NBPF19: variants seen among roughly 807,000 people sequenced by gnomAD.
The protein encoded by NBPF19 is NBPF member 19.
Under a neutral mutation model 45.9 loss-of-function variants are expected in NBPF19, and 30 were observed. The ratio of observed to expected loss-of-function variants is 0.65; its 90% confidence interval spans 0.49 to 0.89. The LOEUF is 0.89. Among genes scored for constraint, NBPF19 ranks in the 40% least tolerant of loss-of-function variants. The probability of loss-of-function intolerance (pLI) is 0.00; values close to 1 mark genes in which losing one functional copy is unlikely to be tolerated. For synonymous variants in NBPF19, 183 were observed against 181.2 expected (o/e 1.01, Z -0.08); for missense variants, 495 against 471.8 (o/e 1.05, Z -0.46).
In NBPF19 at chr1:149,487,453, G is replaced by C. The variant is rs1373321609; in HGVS notation, c.1040+70G>C. 8.5e-6 allele frequency: 8 copies of C among 936,514 alleles called. 1 individual carries two copies. Among genetic ancestry groups the C allele is most frequent in the Admixed American group, 3.4e-5 (2 of 58,966 alleles). 58.0% of individuals were successfully genotyped at this position (936,514 alleles called of 1,614,324 possible). On this transcript the variant is annotated intron_variant, in intron 9 of 93. Transcript: ENST00000651566. ...GGAGATGCCAAGTCCAGGGAAAACAGTACATGCTGAAAATAATGATTTTGT... is the reference window on the plus strand; with the variant it reads ...GGAGATGCCAAGTCCAGGGAAAACACTACATGCTGAAAATAATGATTTTGT...
chr1:149,554,742 G>C lies in NBPF19; in HGVS notation c.*4G>C. ...GTTAGTCATATTCCCACAATAGGCA[G>C]CCCTTACTAAGCCGAGAGATGTCAT... On this transcript the variant is annotated 3_prime_UTR_variant, in exon 94 of 94. Coordinates refer to ENST00000651566, the MANE Select transcript of NBPF19 (RefSeq NM_001351365.2). The C allele has an allele frequency of 1.2e-6, 2 of 1,608,058 alleles. No individual in the cohort carries two copies. Among genetic ancestry groups the C allele is most frequent in the Non-Finnish European group, 1.7e-6 (2 of 1,176,552 alleles).
intron 2 of NBPF19, among the ~76,000 whole-genome samples, chr1:149,476,898 G>A (rs1401259769): frequency 6.7e-6 from 1 of 149,124 alleles, no homozygotes; most frequent in Non-Finnish European, 1.5e-5. Context: ...TTGCACTATT[G>A]CACTCCAGCA....
chr1:149,555,003 T>A lies in NBPF19; in HGVS notation c.*265T>A. 2 of 602,748 alleles carry A rather than the reference T, an allele frequency of 3.3e-6. No homozygotes were observed. Among genetic ancestry groups the A allele is most frequent in the Non-Finnish European group, 5.5e-6 (2 of 364,178 alleles). The allele number at this position is 602,748 out of a possible 1,614,324, so 37.3% of individuals were successfully genotyped here. A position where few individuals can be genotyped will look rare whatever the true frequency, so the allele number is the denominator to read the frequency against. On this transcript the variant is annotated 3_prime_UTR_variant, in exon 94 of 94. Transcript: ENST00000651566. ...CGGACATTTTAATTTGAACCACGTATCTTTGGGTAGCTACAAAATTCCTCA... is the reference window on the plus strand; with the variant it reads ...CGGACATTTTAATTTGAACCACGTAACTTTGGGTAGCTACAAAATTCCTCA...
At chr1:149,479,826 G>T (rs1356208210) in intron 4 of NBPF19, among the ~76,000 whole-genome samples, 1 of 150,850 alleles carries the variant, frequency 6.6e-6, no homozygotes, top group African/African-American at 2.4e-5. Flanking sequence ...GCCTGTGCCT[G>T]GGAATCAGAT....
chr1:149,487,976 C>A (rs1394655643), intron 9 of NBPF19, 37 bp from the exon 10 acceptor site: 1 of 693,542 alleles, frequency 1.4e-6, no homozygotes, highest in Non-Finnish European at 2.7e-6. Flanking sequence ...TTTCTGATTC[C>A]CCCTGGCTTA....
chr1:149,486,724 T>G (rs1268529234), intron 8 of NBPF19, among the ~76,000 whole-genome samples: 2 of 151,102 alleles, frequency 1.3e-5, no homozygotes, highest in Non-Finnish European at 3.0e-5. Context: ...CACCCTTGTC[T>G]ACCTCTCAGT....
At position 149,483,586 on chromosome 1, in the gene NBPF19, G is replaced by A. The variant is rs1195133859; in HGVS notation, c.824+1360G>A. 3.3e-5 allele frequency among the ~76,000 whole-genome samples: 5 copies of A among 150,430 alleles called. No homozygotes were observed. In the East Asian group the frequency reaches 7.8e-4, roughly 23 times the overall value. On this transcript the variant is annotated intron_variant, in intron 7 of 93. Transcript: ENST00000651566. ...GATCCTGTCGTTATGATGTTAGCTGGTTATTTCTTCCGTTAGTTGATGCAG... is the reference window on the plus strand; with the variant it reads ...GATCCTGTCGTTATGATGTTAGCTGATTATTTCTTCCGTTAGTTGATGCAG...
At chr1:149,476,975 T>A (rs2084874809) in intron 2 of NBPF19, among the ~76,000 whole-genome samples, 1 of 150,662 alleles carries the variant, frequency 6.6e-6, no homozygotes, top group Admixed American at 6.6e-5. Context: ...AAAATAAAAA[T>A]AAAAAGCAGA....
At chr1:149,527,205 T>TTAG (rs2086790864) in intron 59 of NBPF19, among the ~76,000 whole-genome samples, 192 bp downstream of exon 59, 1 of 42,726 alleles carries the variant, frequency 2.3e-5, no homozygotes, top group South Asian at 6.1e-4. Context: ...TTTACTAACT[T>TTAG]ACTATAGGTT....
chr1:149,483,457 A>G lies in NBPF19; in HGVS notation c.824+1231A>G, dbSNP rs1357207226. On this transcript the variant is annotated intron_variant, in intron 7 of 93. Transcript: ENST00000651566. ...GTGAGATGGGTTTCCTGAGTACAGC[A>G]CACTGATGGGTCTTGACTCTTTATC... Among the ~76,000 whole-genome samples, 9 of 86,748 alleles carry G rather than the reference A, an allele frequency of 1.0e-4. No homozygotes were observed. The Admixed American group carries it at 1.0e-3, about 10-fold the overall frequency. 56.9% of individuals were successfully genotyped at this position (86,748 alleles called of 152,430 possible).
In NBPF19 at chr1:149,487,203, T is replaced by C. The variant is rs2085581675; in HGVS notation, c.989-129T>C. On this transcript the variant is annotated intron_variant, in intron 8 of 93. Coordinates refer to ENST00000651566, the MANE Select transcript of NBPF19 (RefSeq NM_001351365.2). ...AGACTTGACCTCAGGCCTACTGCAA[T>C]ATTTCTCTCAAAGTCTCCTGTTCTC... The C allele has an allele frequency of 1.3e-5, 11 of 819,794 alleles. No homozygotes were observed. In the South Asian group the frequency reaches 1.5e-4, roughly 11 times the overall value. 50.8% of individuals were successfully genotyped at this position (819,794 alleles called of 1,614,324 possible).
chr1:149,494,087 C>G (rs2085981152), intron 17 of NBPF19, among the ~76,000 whole-genome samples: 1 of 134,338 alleles, frequency 7.4e-6, no homozygotes, highest in African/African-American at 3.3e-5. Context: ...GCTGAGCTCA[C>G]TTTCTCCTCT....
intron 7 of NBPF19, among the ~76,000 whole-genome samples, chr1:149,483,656 C>T (rs4606263): frequency 6.8e-6 from 1 of 146,094 alleles, no homozygotes; most frequent in African/African-American, 2.5e-5. Flanking sequence ...CATGTTTTTG[C>T]AGTGGCTGGT....
chr1:149,478,922 C>A lies in NBPF19; in HGVS notation c.321C>A (p.Thr107=). 1 of 1,606,072 alleles carries A rather than the reference C, an allele frequency of 6.2e-7. No individual in the cohort carries two copies. The highest frequency in any genetic ancestry group is 8.5e-7 in the Non-Finnish European group (1 of 1,175,238). ...TTCACTCTCAGGAACGAGAGCTGAC[C>A]CAGTTAAGGGAGAAGTTACGGGAAG... ...VLFHSQEREL[T]QLREKLREGR... Residue 107 remains threonine (T), a synonymous_variant, in exon 4 of 94, where the codon ACC becomes ACA. Transcript: ENST00000651566.
chr1:149,490,921 CGTGTGTGT>C (rs1159751982), intron 13 of NBPF19, among the ~76,000 whole-genome samples: 1 of 125,980 alleles, frequency 7.9e-6, no homozygotes, highest in African/African-American at 3.2e-5. Flanking sequence ...TGTGTGTGTG[CGTGTGTGT>C]GTGTGTGTGT....
In NBPF19 at chr1:149,554,853, G is replaced by T. The variant is rs2087209166; in HGVS notation, c.*115G>T. The T allele has an allele frequency of 6.5e-7, 1 of 1,545,772 alleles. No individual in the cohort carries two copies. The highest frequency in any genetic ancestry group is 1.2e-5 in the South Asian group (1 of 83,102). On this transcript the variant is annotated 3_prime_UTR_variant, in exon 94 of 94. Coordinates refer to ENST00000651566, the MANE Select transcript of NBPF19 (RefSeq NM_001351365.2). ...AGCCCAGACATAGGATGGGTCAGTG[G>T]GCATGGCTCTTTTCCTATTCTCAAA...
rs1318003649 is a variant in NBPF19 at position 149,478,061 on chromosome 1, G to A, written c.278+14G>A. 88,428 of 1,565,438 alleles carry A rather than the reference G, an allele frequency of 0.056. 5,381 individuals are homozygous for A. Among genetic ancestry groups the A allele is most frequent in the South Asian group, 0.07 (6,305 of 90,430 alleles). On this transcript the variant is annotated intron_variant, in intron 3 of 93. Coordinates refer to ENST00000651566, the MANE Select transcript of NBPF19 (RefSeq NM_001351365.2). ...TGAGGAGCTCAGGTGAGGGGACCCC[G>A]TGGGGGGAGGGCAGGCGGGTAGGTG...
At chr1:149,477,515 T>A (rs1316432736) in intron 2 of NBPF19, among the ~76,000 whole-genome samples, 2 of 151,286 alleles carry the variant, frequency 1.3e-5, no homozygotes, top group African/African-American at 4.9e-5. Flanking sequence ...ATATTTGTCC[T>A]TGAAATACCC....
At chr1:149,487,629 C>T (rs1367021427) in intron 9 of NBPF19, among the ~76,000 whole-genome samples, 1 of 150,444 alleles carries the variant, frequency 6.6e-6, no homozygotes, top group Non-Finnish European at 1.5e-5. Flanking sequence ...ATGGTAACTG[C>T]AGGGAAACTT....
Sources: gnomAD v4.1 joint callset for allele counts (sites outside exome capture counted in the v4.1 genomes callset) on GRCh38, gnomAD v4.1.1 for gene constraint, MANE v1.5 for transcripts, NCBI Gene and HGNC (gene_info 2026-07-23, HGNC 2026-07-21) for gene names.